CFTR: variants seen among roughly 807,000 people sequenced by gnomAD.
CFTR encodes the protein cystic fibrosis transmembrane conductance regulator.
A neutral mutation model predicts 171.6 loss-of-function variants in CFTR; 181 were observed. That is an observed-to-expected ratio of 1.05 (90% CI 0.93 to 1.19). The LOEUF (loss-of-function observed/expected upper bound fraction) is 1.19, where lower values mean the gene tolerates loss of function less well. CFTR is among the 50% of genes most tolerant of loss of function. CFTR has a pLI of 0.00. For synonymous variants in CFTR, 583 were observed against 608.0 expected, an observed-to-expected ratio of 0.96 and a Z score of 0.60; for missense variants, 1,968 against 1,734.7, an observed-to-expected ratio of 1.13 and a Z score of -2.39.
rs770386926 is a variant in CFTR at position 117,592,276 on chromosome 7, T to C, written c.2109T>C (p.Asn703=). ...FGEKRKNSIL[N]PINSIRKFSI... The stretch of plus-strand genomic sequence containing the variant: ...AAAAAAGGAAGAATTCTATTCTCAA[T>C]CCAATCAACTCTATACGAAAATTTT... Residue 703 remains asparagine (N), a synonymous_variant, in exon 14 of 27, where the codon AAT becomes AAC. Transcript: ENST00000003084. 1 of 1,614,000 alleles carries C rather than the reference T, an allele frequency of 6.2e-7. No individual in the cohort carries two copies. Among genetic ancestry groups the C allele is most frequent in the South Asian group, 1.1e-5 (1 of 91,072 alleles).
chr7:117,607,437 T>C (rs2116071883), intron 18 of CFTR, among the ~76,000 whole-genome samples: 1 of 152,120 alleles, frequency 6.6e-6, no homozygotes, highest in East Asian at 1.9e-4. Context: ...CTTGGGACAT[T>C]AGGTCTCCAT....
chr7:117,535,432 C>T (rs1798937559), intron 6 of CFTR, 21 bp downstream of exon 6: 3 of 1,610,370 alleles, frequency 1.9e-6, no homozygotes, highest in Non-Finnish European at 2.5e-6. Flanking sequence ...ATTTTCATAA[C>T]TTGAAAGTTT....
At chr7:117,553,087 T>TC (rs1211138863) in intron 10 of CFTR, among the ~76,000 whole-genome samples, 1 of 152,136 alleles carries the variant, frequency 6.6e-6, no homozygotes, top group African/African-American at 2.4e-5. Flanking sequence ...TATCCAGGAT[T>TC]CAGGAGTCTC....
intron 11 of CFTR, among the ~76,000 whole-genome samples, chr7:117,579,806 G>A (rs924010715): frequency 6.6e-6 from 1 of 151,596 alleles, no homozygotes; most frequent in Non-Finnish European, 1.5e-5. Context: ...TATGATAGAT[G>A]CTAAATGAAT....
rs397508550 is a variant in CFTR, at chr7:117,614,634, G to A, written c.3389G>A (p.Gly1130Asp). The change falls in exon 21 of 27, where the codon GGT (glycine) becomes GAT (aspartate). Residue 1130 changes from glycine to aspartate, a missense_variant. By Grantham distance (94) the Gly-to-Asp change is moderately conservative. Coordinates refer to ENST00000003084, the MANE Select transcript of CFTR (RefSeq NM_000492.4). ...ATAGGAGAAGGAGAAGGAAGAGTTG[G>A]TATTATCCTGACTTTAGCCATGAAT... ...LTTGEGEGRV[G>D]IILTLAMNIM... The A allele has an allele frequency of 1.9e-6, 3 of 1,610,936 alleles. No individual in the cohort carries two copies. The highest frequency in any genetic ancestry group is 1.3e-5 in the African/African-American group (1 of 74,804).
chr7:117,637,591 C>T (rs1792846829), intron 22 of CFTR, among the ~76,000 whole-genome samples: 2 of 151,982 alleles, frequency 1.3e-5, no homozygotes, highest in Non-Finnish European at 2.9e-5. Context: ...ATAGAATGCT[C>T]TGGGGCCAGG....
chr7:117,491,175 G>T (rs1028196130), intron 1 of CFTR, among the ~76,000 whole-genome samples: 2 of 152,022 alleles, frequency 1.3e-5, no homozygotes, highest in African/African-American at 4.8e-5. Flanking sequence ...TGACACAGTG[G>T]TATTTGCATA....
chr7:117,537,292 T>C (rs1798973736), intron 7 of CFTR, among the ~76,000 whole-genome samples: 1 of 152,186 alleles, frequency 6.6e-6, no homozygotes, highest in Admixed American at 6.5e-5. Context: ...TTTCACTGAT[T>C]AGTAAAGATT....
chr7:117,605,904 A>G (rs1002570257), intron 17 of CFTR, among the ~76,000 whole-genome samples: 1 of 152,218 alleles, frequency 6.6e-6, no homozygotes, highest in African/African-American at 2.4e-5. Flanking sequence ...ATAAGATTCA[A>G]TATCACTTTA....
At chr7:117,568,993 G>A (rs1791645867) in intron 11 of CFTR, among the ~76,000 whole-genome samples, 1 of 152,174 alleles carries the variant, frequency 6.6e-6, no homozygotes, top group Non-Finnish European at 1.5e-5. Flanking sequence ...TGAAAACAAT[G>A]TGTTCCCTTT....
chr7:117,659,807 T>A (rs773726008), intron 24 of CFTR, among the ~76,000 whole-genome samples: 8 of 152,232 alleles, frequency 5.3e-5, no homozygotes, highest in Non-Finnish European at 1.0e-4. Context: ...GTTGAAAATT[T>A]ACCCTGAAAA....
Position 117,614,620 on chromosome 7 carries a change from A to G in CFTR, c.3375A>G (p.Gly1125=), listed in dbSNP as rs751140170. Residue 1125 remains glycine (G), a synonymous_variant, in exon 21 of 27, where the codon GGA becomes GGG. Coordinates refer to ENST00000003084, the MANE Select transcript of CFTR (RefSeq NM_000492.4). ...TFISILTTGE[G]EGRVGIILTL... is the part of the protein sequence containing the mutation. ...TCTTTTGTGCATCTATAGGAGAAGG[A>G]GAAGGAAGAGTTGGTATTATCCTGA... The G allele has an allele frequency of 6.8e-6, 11 of 1,607,730 alleles. No homozygotes were observed. In the South Asian group the frequency reaches 7.7e-5, roughly 11 times the overall value.
At chr7:117,561,763 A>G (rs1034957274) in intron 11 of CFTR, among the ~76,000 whole-genome samples, 1 of 152,156 alleles carries the variant, frequency 6.6e-6, no homozygotes, top group Admixed American at 6.5e-5. Context: ...TCAATAACAA[A>G]TCGAATTAGT....
chr7:117,590,642 C>T (rs375440293), intron 13 of CFTR, among the ~76,000 whole-genome samples: 11 of 151,966 alleles, frequency 7.2e-5, no homozygotes, highest in Non-Finnish European at 1.3e-4. Flanking sequence ...CTTTTCTCAC[C>T]GCCTCATGCT....
chr7:117,510,480 A>C (rs1011400295), intron 3 of CFTR, among the ~76,000 whole-genome samples: 3 of 152,216 alleles, frequency 2.0e-5, no homozygotes, highest in Admixed American at 6.5e-5. Context: ...TGATATTTCA[A>C]GTAATTGTTA....
At chr7:117,566,862 G>A (rs1317012586) in intron 11 of CFTR, among the ~76,000 whole-genome samples, 1 of 152,162 alleles carries the variant, frequency 6.6e-6, no homozygotes, top group Non-Finnish European at 1.5e-5. Context: ...AAAAGTGTGA[G>A]CTAGGTTTTA....
chr7:117,655,112 C>T (rs931095689), intron 24 of CFTR, among the ~76,000 whole-genome samples: 4 of 152,178 alleles, frequency 2.6e-5, no homozygotes, highest in African/African-American at 7.2e-5. Context: ...TTTGTATTCT[C>T]TCCTGAGCAG....
chr7:117,507,654 A>T (rs1798442709), intron 2 of CFTR, among the ~76,000 whole-genome samples: 1 of 152,196 alleles, frequency 6.6e-6, no homozygotes, highest in African/African-American at 2.4e-5. Flanking sequence ...GGAGGGAAAT[A>T]GATGGGAAAA....
chr7:117,564,060 T>C (rs1584800453), intron 11 of CFTR, among the ~76,000 whole-genome samples: 1 of 152,228 alleles, frequency 6.6e-6, no homozygotes, highest in African/African-American at 2.4e-5. Context: ...TACAACTACA[T>C]GGTCAATTCC....
Sources: gnomAD v4.1 joint callset for allele counts (sites outside exome capture counted in the v4.1 genomes callset) on GRCh38, gnomAD v4.1.1 for gene constraint, MANE v1.5 for transcripts, NCBI Gene and HGNC (gene_info 2026-07-23, HGNC 2026-07-21) for gene names.